The following UBA2 variants were observed in gnomAD, a reference collection of about 807,000 sequenced individuals.
UBA2 encodes the protein ubiquitin like modifier activating enzyme 2.
In UBA2, 11 loss-of-function variants were observed where a neutral mutation model predicts 77.2. That is an observed-to-expected ratio of 0.14 (90% CI 0.09 to 0.24). UBA2 has a LOEUF of 0.24. UBA2 is among the 10% of genes least tolerant of loss of function. The probability of loss-of-function intolerance (pLI) is 1.00; values close to 1 mark genes in which losing one functional copy is unlikely to be tolerated. For missense variants in UBA2, 487 were observed against 781.7 expected (o/e 0.62, Z 4.50); for synonymous variants, 278 against 276.7 (o/e 1.00, Z -0.05).
intron 6 of UBA2, among the ~76,000 whole-genome samples, chr19:34,443,355 C>T (rs2075390671): frequency 6.6e-6 from 1 of 151,872 alleles, no homozygotes; most frequent in African/African-American, 2.4e-5. Context: ...TTTAACCTTG[C>T]TTACATTGCT....
At chr19:34,449,394 A>G (rs1207659844) in intron 8 of UBA2, among the ~76,000 whole-genome samples, 1 of 151,026 alleles carries the variant, frequency 6.6e-6, no homozygotes, top group Non-Finnish European at 1.5e-5. Context: ...GCTTTGTGAT[A>G]TTCACACTAA....
At chr19:34,452,731 T>C (rs925921892) in intron 10 of UBA2, among the ~76,000 whole-genome samples, 2 of 152,220 alleles carry the variant, frequency 1.3e-5, no homozygotes, top group African/African-American at 4.8e-5. Flanking sequence ...TTTTATCTCA[T>C]GAAGCTTGTA....
chr19:34,431,258 T>TTG (rs1188283185), intron 2 of UBA2, among the ~76,000 whole-genome samples: 1 of 138,244 alleles, frequency 7.2e-6, no homozygotes, highest in Non-Finnish European at 1.6e-5. Context: ...TTTTTTTTTT[T>TTG]TTTTTTTTTT....
intron 12 of UBA2, among the ~76,000 whole-genome samples, chr19:34,457,928 A>G (rs2075586168): frequency 6.6e-6 from 1 of 152,248 alleles, no homozygotes; most frequent in African/African-American, 2.4e-5. Context: ...AAATAGGTAC[A>G]TATACTGCCA....
chr19:34,437,552 G>A (rs1208402009), intron 5 of UBA2, among the ~76,000 whole-genome samples: 2 of 151,946 alleles, frequency 1.3e-5, no homozygotes, highest in Non-Finnish European at 2.9e-5. Flanking sequence ...AGAGGTTGTG[G>A]TGAGCCTAGA....
chr19:34,464,269 A>C (rs2145567907), intron 15 of UBA2, 138 bp downstream of exon 15: 1 of 604,844 alleles, frequency 1.7e-6, no homozygotes, highest in East Asian at 2.9e-5. Context: ...TGAGTTGGTC[A>C]CTGAGTTCCG....
chr19:34,441,067 A>T (rs2075363863), intron 6 of UBA2, among the ~76,000 whole-genome samples: 1 of 152,224 alleles, frequency 6.6e-6, no homozygotes, highest in Non-Finnish European at 1.5e-5. Flanking sequence ...TAGGAAATTA[A>T]AGATAAACTA....
intron 14 of UBA2, 82 bp from the exon 15 acceptor site, chr19:34,463,944 C>A: frequency 1.0e-6 from 1 of 954,232 alleles, no homozygotes; most frequent in Non-Finnish European, 1.7e-6. Flanking sequence ...CAGCCCATAA[C>A]AGAGGTTTAG....
chr19:34,439,622 G>T (rs367942960), intron 6 of UBA2, among the ~76,000 whole-genome samples: 1 of 152,154 alleles, frequency 6.6e-6, no homozygotes, highest in South Asian at 2.1e-4. Context: ...TTGAGCCCAG[G>T]AGTTTGAGAC....
chr19:34,437,871 A>G (rs781185008), intron 5 of UBA2, among the ~76,000 whole-genome samples: 1 of 152,162 alleles, frequency 6.6e-6, no homozygotes, highest in East Asian at 1.9e-4. Flanking sequence ...GCTGGCCAAC[A>G]TGGAAAAACC....
intron 14 of UBA2, among the ~76,000 whole-genome samples, chr19:34,462,783 T>C (rs2075645764): frequency 6.6e-6 from 1 of 152,064 alleles, no homozygotes; most frequent in African/African-American, 2.4e-5. Flanking sequence ...CTGGCCAACA[T>C]GGCAAAACCT....
chr19:34,432,984 C>G (rs968758821), intron 3 of UBA2, among the ~76,000 whole-genome samples: 2 of 152,158 alleles, frequency 1.3e-5, no homozygotes, highest in African/African-American at 2.4e-5. Context: ...CCTGCCTGAT[C>G]CTGATCATGT....
intron 5 of UBA2, among the ~76,000 whole-genome samples, 166 bp downstream of exon 5, chr19:34,435,134 A>G (rs540293527): frequency 1.3e-5 from 2 of 152,390 alleles, no homozygotes; most frequent in Non-Finnish European, 2.9e-5. Context: ...GCAGTGGCTC[A>G]TACCTGTAAT....
intron 8 of UBA2, among the ~76,000 whole-genome samples, chr19:34,448,609 G>T (rs926903644): frequency 2.6e-5 from 4 of 152,152 alleles, no homozygotes; most frequent in Non-Finnish European, 5.9e-5. Context: ...TCCGATATAA[G>T]TGAGCTGGGA....
intron 13 of UBA2, among the ~76,000 whole-genome samples, chr19:34,459,550 C>A (rs960157132): frequency 6.6e-6 from 1 of 152,140 alleles, no homozygotes; most frequent in East Asian, 1.9e-4. Context: ...CCTGGATTCA[C>A]CTCTGGAGCT....
At chr19:34,463,962 A>G (rs1013861302) in intron 14 of UBA2, 64 bp from the exon 15 acceptor site, 7 of 1,243,866 alleles carry the variant, frequency 5.6e-6, no homozygotes, top group Non-Finnish European at 8.3e-6. Context: ...TAGCTTTTTA[A>G]AAAATCAACC....
chr19:34,432,000 C>A, intron 3 of UBA2, 69 bp downstream of exon 3: 4 of 1,164,660 alleles, frequency 3.4e-6, no homozygotes, highest in South Asian at 1.4e-5. Flanking sequence ...AGCTCAAAGT[C>A]ATTCAGCTTT....
At chr19:34,456,405 C>T (rs1335910589) in intron 12 of UBA2, among the ~76,000 whole-genome samples, 3 of 151,758 alleles carry the variant, frequency 2.0e-5, no homozygotes, top group Non-Finnish European at 2.9e-5. Flanking sequence ...TGAGCTATTG[C>T]GCCCAGCCTC....
chr19:34,457,175 A>ATATATATATATAT (rs1226463566), intron 12 of UBA2, among the ~76,000 whole-genome samples: 2 of 78,004 alleles, frequency 2.6e-5, no homozygotes, highest in South Asian at 5.4e-4. Flanking sequence ...CTAAAAAAAA[A>ATATATATATATAT]AAAAATATAT....
Sources: allele counts gnomAD v4.1 joint callset (sites outside exome capture counted in the v4.1 genomes callset), GRCh38; gene constraint gnomAD v4.1.1; transcripts MANE v1.5; gene names NCBI Gene and HGNC (gene_info 2026-07-23, HGNC 2026-07-21).